PTPRD: variants seen among roughly 807,000 people sequenced by gnomAD.
PTPRD encodes the protein receptor-type tyrosine-protein phosphatase delta.
In PTPRD, 34 loss-of-function variants were observed where a neutral mutation model predicts 214.5. The ratio of observed to expected loss-of-function variants is 0.16; its 90% confidence interval spans 0.12 to 0.21. PTPRD has a LOEUF of 0.21. Ranked by LOEUF, PTPRD falls within the 10% of genes least tolerant of loss-of-function variation. The pLI is 1.00. For synonymous variants in PTPRD, 1,128 were observed against 845.7 expected, an observed-to-expected ratio of 1.33 and a Z score of -5.79; for missense variants, 2,545 against 2,398.7, an observed-to-expected ratio of 1.06 and a Z score of -1.27.
At chr9:9,541,576 T>A (rs1245371596) in intron 8 of PTPRD, among the ~76,000 whole-genome samples, 1 of 151,794 alleles carries the variant, frequency 6.6e-6, no homozygotes, top group Non-Finnish European at 1.5e-5. Context: ...AGTTTAACCT[T>A]TAACAACGTT....
chr9:10,067,597 T>G (rs1267338482), intron 3 of PTPRD, among the ~76,000 whole-genome samples: 5 of 151,870 alleles, frequency 3.3e-5, no homozygotes, highest in African/African-American at 1.2e-4. Flanking sequence ...GGAGGTATTA[T>G]TATCTCTTAT....
At chr9:8,464,430 A>G (rs1259665496) in intron 32 of PTPRD, among the ~76,000 whole-genome samples, 4 of 151,988 alleles carry the variant, frequency 2.6e-5, no homozygotes, top group African/African-American at 4.8e-5. Context: ...TCTGAGCACA[A>G]AGGTAAACCA....
chr9:10,427,485 T>G (rs1374331016), intron 2 of PTPRD, among the ~76,000 whole-genome samples: 3 of 152,104 alleles, frequency 2.0e-5, no homozygotes, highest in African/African-American at 7.2e-5. Context: ...TTAAACTACT[T>G]AGTAAGCATT....
intron 5 of PTPRD, among the ~76,000 whole-genome samples, chr9:9,917,915 CAT>C (rs145031331): frequency 0.2 from 29,713 of 151,806 alleles, 3,106 homozygotes; most frequent in African/African-American, 0.28. Flanking sequence ...ATAAAAGGAA[CAT>C]ATCTCAGCAT....
chr9:8,811,120 C>T (rs1004708395), intron 11 of PTPRD, among the ~76,000 whole-genome samples: 1 of 152,278 alleles, frequency 6.6e-6, no homozygotes, highest in East Asian at 1.9e-4. Flanking sequence ...CAAAAAGCAA[C>T]TACTCCAGCA....
intron 6 of PTPRD, among the ~76,000 whole-genome samples, chr9:9,744,943 A>G (rs1449091772): frequency 6.6e-6 from 1 of 152,072 alleles, no homozygotes; most frequent in Non-Finnish European, 1.5e-5. Context: ...TTATCTACAC[A>G]TCAGAAATCA....
At chr9:9,601,746 C>T (rs562877965) in intron 7 of PTPRD, among the ~76,000 whole-genome samples, 3 of 151,970 alleles carry the variant, frequency 2.0e-5, no homozygotes, top group Non-Finnish European at 4.4e-5. Context: ...AGGTTAAGAT[C>T]ATTGTTCTGG....
At chr9:8,630,211 C>A (rs900352690) in intron 14 of PTPRD, among the ~76,000 whole-genome samples, 3 of 151,742 alleles carry the variant, frequency 2.0e-5, no homozygotes, top group African/African-American at 7.3e-5. Context: ...AATGAGGCCA[C>A]TGGACGAAAA....
chr9:9,812,640 C>G (rs2047495895), intron 5 of PTPRD, among the ~76,000 whole-genome samples: 1 of 152,034 alleles, frequency 6.6e-6, no homozygotes. Context: ...TACATGTACT[C>G]TATATTGGAG....
At position 10,403,227 on chromosome 9, in the gene PTPRD, A is replaced by AATATATATATATATATACATAT. The variant is rs1266130908; in HGVS notation, c.-599-62211_-599-62210insATATGTATATATATATATATAT. The stretch of plus-strand genomic sequence containing the variant: ...TTTCTGTTATTTGTGTGTGTGTGTA[A>AATATATATATATATATACATAT]ATATATATATATATATATATATATA... On this transcript the variant is annotated intron_variant, in intron 2 of 45. Coordinates refer to ENST00000381196, the MANE Select transcript of PTPRD (RefSeq NM_002839.4). Among the ~76,000 whole-genome samples, 24 of 59,882 alleles carry AATATATATATATATATACATAT rather than the reference A, an allele frequency of 4.0e-4. 1 individual carries two copies. The highest frequency in any genetic ancestry group is 7.3e-4 in the Non-Finnish European group (21 of 28,712). The allele number at this position is 59,882 out of a possible 152,430, so 39.3% of individuals were successfully genotyped here. A position where few individuals can be genotyped will look rare whatever the true frequency, so the allele number is the denominator to read the frequency against.
chr9:8,677,201 C>T (rs1390210998), intron 12 of PTPRD, among the ~76,000 whole-genome samples: 1 of 152,030 alleles, frequency 6.6e-6, no homozygotes, highest in East Asian at 1.9e-4. Context: ...ACATGGGAGC[C>T]GTAAGGATGC....
rs75748635 is a variant in PTPRD, at chr9:9,763,482, A to G, written c.-326+3328T>C. Reference sequence around the variant, plus strand: ...GAACAGTCTTCTTTAAAAAATCTTCAAAATTATAATTTTAGTAACAGTAAA... The same window carrying G: ...GAACAGTCTTCTTTAAAAAATCTTCGAAATTATAATTTTAGTAACAGTAAA... On this transcript the variant is annotated intron_variant, in intron 6 of 45. Coordinates refer to ENST00000381196, the MANE Select transcript of PTPRD (RefSeq NM_002839.4). Among the ~76,000 whole-genome samples the G allele has an allele frequency of 3.3e-5, 5 of 152,190 alleles. No individual in the cohort carries two copies. The East Asian group carries it at 9.6e-4, about 29-fold the overall frequency.
rs115012010 is a variant in PTPRD at position 9,608,488 on chromosome 9, G to A, written c.-286-33707C>T. Among the ~76,000 whole-genome samples, 583 of 152,102 alleles carry A rather than the reference G, an allele frequency of 3.8e-3. 1 individual carries two copies. The highest frequency in any genetic ancestry group is 0.013 in the African/African-American group (555 of 41,508). On this transcript the variant is annotated intron_variant, in intron 7 of 45. Coordinates refer to ENST00000381196, the MANE Select transcript of PTPRD (RefSeq NM_002839.4). Reference sequence around the variant, plus strand: ...TTATTTCTCTAAATACTTTTCTCCCGCATAAAGTAACCAATGGTCCTTTAT... The same window carrying A: ...TTATTTCTCTAAATACTTTTCTCCCACATAAAGTAACCAATGGTCCTTTAT...
At chr9:8,460,254 T>G (rs769335575) in intron 33 of PTPRD, 157 bp downstream of exon 33, 2 of 895,510 alleles carry the variant, frequency 2.2e-6, no homozygotes, top group Non-Finnish European at 3.6e-6. Context: ...CTTTACATTT[T>G]GATCTTACTG....
At position 10,473,841 on chromosome 9, in the gene PTPRD, G is replaced by A. The variant is rs141278577; in HGVS notation, c.-599-132824C>T. Among the ~76,000 whole-genome samples the A allele has an allele frequency of 4.6e-3, 697 of 152,104 alleles. 8 individuals are homozygous for A. The highest frequency in any genetic ancestry group is 0.016 in the African/African-American group (662 of 41,510). ...ATTATTGCCCCATTGTTTTTATAAAGTAAGTGTCAAATTAAAAGCTCCTCT... is the reference window on the plus strand; with the variant it reads ...ATTATTGCCCCATTGTTTTTATAAAATAAGTGTCAAATTAAAAGCTCCTCT... On this transcript the variant is annotated intron_variant, in intron 2 of 45. Coordinates refer to ENST00000381196, the MANE Select transcript of PTPRD (RefSeq NM_002839.4).
At chr9:9,291,302 T>C (rs76216435) in intron 9 of PTPRD, among the ~76,000 whole-genome samples, 81 of 151,506 alleles carry the variant, frequency 5.3e-4, no homozygotes, top group African/African-American at 1.8e-3. Flanking sequence ...GAACCACTTA[T>C]AAGATGGTTC....
chr9:9,443,252 T>TAAAC (rs996821507), intron 8 of PTPRD, among the ~76,000 whole-genome samples: 3 of 151,982 alleles, frequency 2.0e-5, no homozygotes, highest in African/African-American at 7.3e-5. Context: ...CATAAATAAA[T>TAAAC]AAATAAATAA....
At chr9:10,114,762 C>T (rs979482113) in intron 3 of PTPRD, among the ~76,000 whole-genome samples, 2 of 151,792 alleles carry the variant, frequency 1.3e-5, no homozygotes. Context: ...TAATATAGCT[C>T]CTACAATATG....
intron 5 of PTPRD, among the ~76,000 whole-genome samples, chr9:9,874,588 A>C (rs1422691449): frequency 6.6e-6 from 1 of 152,200 alleles, no homozygotes; most frequent in African/African-American, 2.4e-5. Flanking sequence ...AAATGAACTC[A>C]ACTTACATCA....
Sources: allele counts gnomAD v4.1 joint callset (sites outside exome capture counted in the v4.1 genomes callset), GRCh38; gene constraint gnomAD v4.1.1; transcripts MANE v1.5; gene names NCBI Gene and HGNC (gene_info 2026-07-23, HGNC 2026-07-21).